The following ADIPOR2 variants were observed in gnomAD, a reference collection of about 807,000 sequenced individuals.
The protein encoded by ADIPOR2 is adiponectin receptor protein 2.
ADIPOR2 carries 18 observed loss-of-function variants against 40.9 expected under a neutral mutation model. The observed-to-expected ratio is 0.44, with a 90% CI of 0.30 to 0.65. The LOEUF (loss-of-function observed/expected upper bound fraction) is 0.65. Ranked by LOEUF, ADIPOR2 falls within the 30% of genes least tolerant of loss-of-function variation. The probability of loss-of-function intolerance (pLI) is 0.09; values close to 1 mark genes in which losing one functional copy is unlikely to be tolerated. For synonymous variants in ADIPOR2, 165 were observed against 166.4 expected (o/e 0.99, Z 0.06); for missense variants, 283 against 479.2 (o/e 0.59, Z 3.82).
At chr12:1,737,332 G>T (rs1380048002) in intron 1 of ADIPOR2, among the ~76,000 whole-genome samples, 2 of 141,204 alleles carry the variant, frequency 1.4e-5, no homozygotes, top group African/African-American at 2.5e-5. Flanking sequence ...TATTTGTGGG[G>T]TTTTTTGTTG....
At chr12:1,698,207 TG>T (rs2094643192) in intron 1 of ADIPOR2, among the ~76,000 whole-genome samples, 13 of 12,180 alleles carry the variant, frequency 1.1e-3, no homozygotes, top group African/African-American at 4.8e-3. Context: ...CTTGGCTGAT[TG>T]TGTGTGTGTG....
At chr12:1,701,023 T>G (rs967465555) in intron 1 of ADIPOR2, among the ~76,000 whole-genome samples, 10 of 151,994 alleles carry the variant, frequency 6.6e-5, no homozygotes, top group Non-Finnish European at 1.5e-4. Flanking sequence ...CCCATATTTC[T>G]CATTTTTTTG....
chr12:1,720,980 T>A (rs1230962765), intron 1 of ADIPOR2, among the ~76,000 whole-genome samples: 1 of 152,118 alleles, frequency 6.6e-6, no homozygotes, highest in African/African-American at 2.4e-5. Context: ...CACCTAACTT[T>A]AACCTGGAAG....
rs191170381 is a variant in ADIPOR2 at position 1,737,682 on chromosome 12, G to A, written c.-86-16576G>A. Reference sequence around the variant, plus strand: ...ACTGTGACCTCTACCTCCTGGGTTCGAGCAATTCTTGTGCCCCAGCCTCAC... The same window carrying A: ...ACTGTGACCTCTACCTCCTGGGTTCAAGCAATTCTTGTGCCCCAGCCTCAC... On this transcript the variant is annotated intron_variant, in intron 1 of 7. Coordinates refer to ENST00000357103, the MANE Select transcript of ADIPOR2 (RefSeq NM_024551.3). Among the ~76,000 whole-genome samples the A allele has an allele frequency of 1.2e-4, 19 of 152,108 alleles. No individual in the cohort carries two copies. The East Asian group carries it at 2.9e-3, about 23-fold the overall frequency.
intron 1 of ADIPOR2, among the ~76,000 whole-genome samples, chr12:1,704,055 A>ATTTTTTTTTTTT (rs57190793): frequency 3.0e-5 from 2 of 67,536 alleles, no homozygotes; most frequent in African/African-American, 5.3e-5. Context: ...TCTACCTGGA[A>ATTTTTTTTTTTT]TTTTTTTTTT....
chr12:1,744,769 G>A (rs1049443746), intron 1 of ADIPOR2, among the ~76,000 whole-genome samples: 1 of 152,214 alleles, frequency 6.6e-6, no homozygotes, highest in African/African-American at 2.4e-5. Context: ...GGATAGATAT[G>A]AGGGGACCTC....
At position 1,776,359 on chromosome 12, in the gene ADIPOR2, C is replaced by G. The variant is rs547785004; in HGVS notation, c.292-1495C>G. 2.4e-4 allele frequency among the ~76,000 whole-genome samples: 36 copies of G among 152,300 alleles called. 1 individual carries two copies. Among genetic ancestry groups the G allele is most frequent in the African/African-American group, 7.7e-4 (32 of 41,554 alleles). On this transcript the variant is annotated intron_variant, in intron 3 of 7. Transcript: ENST00000357103. ...TTTCCATGGCTTACCCATATTGTCACAAGACCCTGTAGTGGGTAGGGTGGA... is the reference window on the plus strand; with the variant it reads ...TTTCCATGGCTTACCCATATTGTCAGAAGACCCTGTAGTGGGTAGGGTGGA...
chr12:1,705,786 C>T (rs962029339), intron 1 of ADIPOR2, among the ~76,000 whole-genome samples: 3 of 152,154 alleles, frequency 2.0e-5, no homozygotes, highest in African/African-American at 7.2e-5. Context: ...GTAGCTTTGA[C>T]CACTACCAGT....
At chr12:1,724,839 C>T (rs544845433) in intron 1 of ADIPOR2, among the ~76,000 whole-genome samples, 48 of 152,004 alleles carry the variant, frequency 3.2e-4, no homozygotes, top group Non-Finnish European at 4.7e-4. Context: ...TACAGGTGTA[C>T]GCCACCACTC....
chr12:1,779,991 C>T (rs148065909), intron 4 of ADIPOR2, among the ~76,000 whole-genome samples: 1 of 152,302 alleles, frequency 6.6e-6, no homozygotes, highest in Non-Finnish European at 1.5e-5. Context: ...CACTCCCTGA[C>T]AGCTATTGGT....
At chr12:1,724,252 A>T (rs1054918641) in intron 1 of ADIPOR2, among the ~76,000 whole-genome samples, 1 of 152,162 alleles carries the variant, frequency 6.6e-6, no homozygotes, top group Non-Finnish European at 1.5e-5. Context: ...AAGTGCTGGG[A>T]TTACAGATGT....
At chr12:1,722,240 A>G (rs1316804816) in intron 1 of ADIPOR2, among the ~76,000 whole-genome samples, 1 of 152,222 alleles carries the variant, frequency 6.6e-6, no homozygotes. Context: ...TGCTGACTGC[A>G]TGTGATCAAG....
chr12:1,748,351 C>T (rs1307325057), intron 1 of ADIPOR2, among the ~76,000 whole-genome samples: 9 of 152,064 alleles, frequency 5.9e-5, no homozygotes, highest in Non-Finnish European at 1.5e-5. Flanking sequence ...CGGGTTCACG[C>T]CATTCTCCTG....
intron 1 of ADIPOR2, among the ~76,000 whole-genome samples, chr12:1,740,267 G>A (rs564823553): frequency 6.8e-4 from 103 of 152,318 alleles, no homozygotes; most frequent in Non-Finnish European, 1.1e-3. Context: ...TGCTAGGCCT[G>A]CCATAAAGTA....
intron 2 of ADIPOR2, chr12:1,757,720 A>C: frequency 7.6e-7 from 1 of 1,310,134 alleles, no homozygotes; most frequent in African/African-American, 1.4e-5. Flanking sequence ...GATGAGACGG[A>C]AATTCTCCCC....
rs576590919 is a variant in ADIPOR2 at position 1,709,308 on chromosome 12, G to A, written c.-87+18117G>A. 2.6e-5 allele frequency among the ~76,000 whole-genome samples: 4 copies of A among 152,262 alleles called. No individual in the cohort carries two copies. The South Asian group carries it at 8.3e-4, about 32-fold the overall frequency. On this transcript the variant is annotated intron_variant, in intron 1 of 7. Transcript: ENST00000357103. ...CAGTGTTTTGTAGTTTTCAGTGTAGGAAGTGTTGGACATCTTTTATTGGAT... is the reference window on the plus strand; with the variant it reads ...CAGTGTTTTGTAGTTTTCAGTGTAGAAAGTGTTGGACATCTTTTATTGGAT...
chr12:1,721,581 A>G (rs537670306), intron 1 of ADIPOR2, among the ~76,000 whole-genome samples: 2 of 152,368 alleles, frequency 1.3e-5, no homozygotes, highest in Admixed American at 6.5e-5. Flanking sequence ...AGAGTAAAGA[A>G]GACAGATAAT....
intron 2 of ADIPOR2, among the ~76,000 whole-genome samples, chr12:1,764,608 GGATAGTCT>G (rs58160251): frequency 0.39 from 58,091 of 150,442 alleles, 13,706 homozygotes; most frequent in Non-Finnish European, 0.53. Flanking sequence ...TATTGTAAGT[GGATAGTCT>G]GATAAACTTT....
intron 2 of ADIPOR2, among the ~76,000 whole-genome samples, chr12:1,765,510 T>G (rs1324221108): frequency 6.6e-6 from 1 of 152,188 alleles, no homozygotes; most frequent in Non-Finnish European, 1.5e-5. Flanking sequence ...TTTGATTAAT[T>G]TGTAAAAAGC....
Sources: gnomAD v4.1 joint callset for allele counts (sites outside exome capture counted in the v4.1 genomes callset) on GRCh38, gnomAD v4.1.1 for gene constraint, MANE v1.5 for transcripts, NCBI Gene and HGNC (gene_info 2026-07-23, HGNC 2026-07-21) for gene names.